The following CUEDC1 variants were observed in gnomAD, a reference collection of about 807,000 sequenced individuals.
The protein encoded by CUEDC1 is CUE domain containing 1.
A neutral mutation model predicts 43.7 loss-of-function variants in CUEDC1; 30 were observed. That is an observed-to-expected ratio of 0.69 (90% CI 0.51 to 0.93). The LOEUF (loss-of-function observed/expected upper bound fraction) is 0.93, where lower values mean the gene tolerates loss of function less well. Among genes scored for constraint, CUEDC1 ranks in the 40% least tolerant of loss-of-function variants. CUEDC1 has a pLI of 0.00. For synonymous variants in CUEDC1, 223 were observed against 223.6 expected (o/e 1.00, Z 0.02); for missense variants, 486 against 549.0 (o/e 0.89, Z 1.15).
At chr17:57,868,309 G>T in intron 7 of CUEDC1, 66 bp from the exon 8 acceptor site, 2 of 1,438,640 alleles carry the variant, frequency 1.4e-6, no homozygotes, top group Non-Finnish European at 2.0e-6. Context: ...CTCCTCCCAG[G>T]TGTGGGAAAG....
chr17:57,926,174 C>T (rs1411898155), intron 1 of CUEDC1, among the ~76,000 whole-genome samples: 1 of 152,158 alleles, frequency 6.6e-6, no homozygotes, highest in Non-Finnish European at 1.5e-5. Flanking sequence ...GAGTCAAGTG[C>T]AGAGGTGAGA....
In CUEDC1 at chr17:57,866,105, G is replaced by T. The variant is rs535792717; in HGVS notation, c.*3+369C>A. Among the ~76,000 whole-genome samples, 358 of 152,278 alleles carry T rather than the reference G, an allele frequency of 2.4e-3. 2 individuals carry two copies. Among genetic ancestry groups the T allele is most frequent in the Non-Finnish European group, 4.5e-3 (304 of 68,018 alleles). ...CCCAAAGTGCTGGGATTACAGGCAT[G>T]GGACACCGTGCCCAGCCAGTTTTTC... is the stretch of plus-strand genomic sequence containing the variant. On this transcript the variant is annotated intron_variant, in intron 10 of 10. Coordinates refer to ENST00000577830, the MANE Select transcript of CUEDC1 (RefSeq NM_001271875.2).
intron 1 of CUEDC1, among the ~76,000 whole-genome samples, chr17:57,943,018 ACT>A (rs147699996): frequency 0.1 from 15,887 of 152,014 alleles, 924 homozygotes; most frequent in Non-Finnish European, 0.13. Context: ...ACGGAGTGAG[ACT>A]CTGTCTCAAA....
In CUEDC1 at chr17:57,912,702, G is replaced by A. The variant is rs531607390; in HGVS notation, c.-315-26823C>T. Among the ~76,000 whole-genome samples the A allele has an allele frequency of 3.3e-5, 5 of 152,204 alleles. No individual in the cohort carries two copies. The South Asian group carries it at 1.0e-3, about 32-fold the overall frequency. On this transcript the variant is annotated intron_variant, in intron 1 of 10. Coordinates refer to ENST00000577830, the MANE Select transcript of CUEDC1 (RefSeq NM_001271875.2). ...AAACAAACAATAATAACGCCACTGT[G>A]TAAAAATAAACTGCAAAAAGACCAC...
At chr17:57,952,477 T>G (rs1457589459) in intron 1 of CUEDC1, among the ~76,000 whole-genome samples, 1 of 152,104 alleles carries the variant, frequency 6.6e-6, no homozygotes, top group African/African-American at 2.4e-5. Flanking sequence ...TCCACCCCCC[T>G]CGGCCTCCCA....
chr17:57,949,194 C>T (rs2074983268), intron 1 of CUEDC1, among the ~76,000 whole-genome samples: 1 of 152,234 alleles, frequency 6.6e-6, no homozygotes, highest in African/African-American at 2.4e-5. Context: ...GAAGCCTTCC[C>T]TGCCCCAACT....
chr17:57,930,070 TG>T lies in CUEDC1; in HGVS notation c.-316+25154del, dbSNP rs34518051. 6.6e-6 allele frequency among the ~76,000 whole-genome samples: 1 copy of T among 152,226 alleles called. No individual in the cohort carries two copies. The highest frequency in any genetic ancestry group is 1.5e-5 in the Non-Finnish European group (1 of 68,036). On this transcript the variant is annotated intron_variant, in intron 1 of 10. Coordinates refer to ENST00000577830, the MANE Select transcript of CUEDC1 (RefSeq NM_001271875.2). The surrounding 1 kb of genome is among the most constrained non-coding windows in gnomAD (Gnocchi z 4.2). ...CACCCGCCTCGGCCTCCCAAAGTGC[TG>T]GGATTACAGGCGTGAGCCACTGCGC...
At chr17:57,927,797 A>G (rs1338721015) in intron 1 of CUEDC1, among the ~76,000 whole-genome samples, 3 of 152,278 alleles carry the variant, frequency 2.0e-5, no homozygotes, top group Non-Finnish European at 4.4e-5. Context: ...GACATTCTGT[A>G]GGCAAAACAA....
At chr17:57,896,728 A>T (rs981731028) in intron 1 of CUEDC1, among the ~76,000 whole-genome samples, 6 of 151,710 alleles carry the variant, frequency 4.0e-5, no homozygotes, top group Middle Eastern at 3.4e-3. Context: ...ACATTAAAGT[A>T]ATAGCATTGC....
chr17:57,899,370 C>T (rs781222356), intron 1 of CUEDC1, among the ~76,000 whole-genome samples: 1 of 152,194 alleles, frequency 6.6e-6, no homozygotes, highest in Non-Finnish European at 1.5e-5. Context: ...GCCCAGGTCC[C>T]CTCTCCTGCC....
In CUEDC1 at chr17:57,879,597, T is replaced by G; in HGVS notation, c.464+14A>C. 1.3e-6 allele frequency: 2 copies of G among 1,584,272 alleles called. 1 individual carries two copies. The highest frequency in any genetic ancestry group is 4.7e-5 in the East Asian group (2 of 43,000). ...CCCTGCCACCCTGTGCTCTGAGACA[T>G]GACAGATTCTCACCGGGGAGGCGGA... On this transcript the variant is annotated intron_variant, in intron 3 of 10. Transcript: ENST00000577830.
At chr17:57,875,652 G>A (rs1256108725) in intron 3 of CUEDC1, among the ~76,000 whole-genome samples, 1 of 152,136 alleles carries the variant, frequency 6.6e-6, no homozygotes, top group Non-Finnish European at 1.5e-5. Flanking sequence ...GGTCCCCGGG[G>A]TTTCAGAGAC....
At position 57,885,741 on chromosome 17, in the gene CUEDC1, C is replaced by T. The variant is rs1179621615; in HGVS notation, c.-177G>A. ...CCAAGAGCTCCGGGTTAGGAGAGTA[C>T]GGGCGCGGGGCCCCAGGCAGCCCTT... On this transcript the variant is annotated 5_prime_UTR_variant, in exon 2 of 11. Transcript: ENST00000577830. 5.6e-6 allele frequency: 6 copies of T among 1,075,290 alleles called. No individual in the cohort carries two copies. In the East Asian group the frequency reaches 1.4e-4, roughly 25 times the overall value. 66.6% of individuals were successfully genotyped at this position (1,075,290 alleles called of 1,614,324 possible).
chr17:57,878,133 C>T (rs56860274), intron 3 of CUEDC1, among the ~76,000 whole-genome samples: 46,228 of 151,956 alleles, frequency 0.3, 7,439 homozygotes, highest in Non-Finnish European at 0.34. Flanking sequence ...CTATGAGCTC[C>T]GTAAGCTGCA....
chr17:57,861,390 A>T lies in CUEDC1; in HGVS notation c.*1899T>A, dbSNP rs2073868808. 1 of 152,332 alleles carries T rather than the reference A, an allele frequency of 6.6e-6. No individual in the cohort carries two copies. The highest frequency in any genetic ancestry group is 2.4e-5 in the African/African-American group (1 of 41,468). The allele number at this position is 152,332 out of a possible 1,614,324, so 9.4% of individuals were successfully genotyped here. A position where few individuals can be genotyped will look rare whatever the true frequency, so the allele number is the denominator to read the frequency against. On this transcript the variant is annotated 3_prime_UTR_variant, in exon 11 of 11. Coordinates refer to ENST00000577830, the MANE Select transcript of CUEDC1 (RefSeq NM_001271875.2). Reference sequence around the variant, plus strand: ...ACAGGAAGGCGACAGCGCTAGACGCAGCCGGCAGGTCCGCAAGGTTGAGGT... The same window carrying T: ...ACAGGAAGGCGACAGCGCTAGACGCTGCCGGCAGGTCCGCAAGGTTGAGGT...
Position 57,885,470 on chromosome 17 carries a change from T to A in CUEDC1, c.95A>T (p.Glu32Val). 6.3e-7 allele frequency: 1 copy of A among 1,580,216 alleles called. No homozygotes were observed. The highest frequency in any genetic ancestry group is 8.6e-7 in the Non-Finnish European group (1 of 1,167,230). The change falls in exon 2 of 11, where the codon GAG (glutamate) becomes GTG (valine). Residue 32 changes from glutamate to valine, a missense_variant. Coordinates refer to ENST00000577830, the MANE Select transcript of CUEDC1 (RefSeq NM_001271875.2). ...GGGGGTAAPQ[E>V]LNNSRPARQV... ...GCGGGCAGGCCGGCTGTTGTTGAGC[T>A]CCTGGGGGGCGGCCGTGCCTCCCCC...
At chr17:57,924,874 C>A (rs1367345843) in intron 1 of CUEDC1, among the ~76,000 whole-genome samples, 1 of 152,112 alleles carries the variant, frequency 6.6e-6, no homozygotes, top group Non-Finnish European at 1.5e-5. Flanking sequence ...ACAAATGGCT[C>A]CTGACTTTCA....
chr17:57,906,737 A>G (rs1257506695), intron 1 of CUEDC1, among the ~76,000 whole-genome samples: 1 of 152,184 alleles, frequency 6.6e-6, no homozygotes, highest in East Asian at 1.9e-4. Context: ...TTGGGAGGCC[A>G]AGGCGGGTGG....
At chr17:57,902,730 C>T (rs1290645963) in intron 1 of CUEDC1, among the ~76,000 whole-genome samples, 3 of 152,202 alleles carry the variant, frequency 2.0e-5, no homozygotes, top group Non-Finnish European at 4.4e-5. Flanking sequence ...TAAGACGTTG[C>T]GGGAAAGTCC....
Sources: gnomAD v4.1 joint callset for allele counts (sites outside exome capture counted in the v4.1 genomes callset) on GRCh38, gnomAD v4.1.1 for gene constraint, Gnocchi (gnomAD v3.1) non-coding constraint, MANE v1.5 for transcripts, NCBI Gene and HGNC (gene_info 2026-07-23, HGNC 2026-07-21) for gene names.